FRMPD4: variants seen among roughly 807,000 people sequenced by gnomAD.
The protein encoded by FRMPD4 is FERM and PDZ domain-containing protein 4.
FRMPD4 carries 22 observed loss-of-function variants against 94.1 expected under a neutral mutation model. That is an observed-to-expected ratio of 0.23 (90% CI 0.17 to 0.33). FRMPD4 has a LOEUF of 0.33. Among genes scored for constraint, FRMPD4 ranks in the 10% least tolerant of loss-of-function variants. FRMPD4 has a pLI of 1.00. For missense variants in FRMPD4, 1,111 were observed against 1,339.9 expected (o/e 0.83, Z 2.67); for synonymous variants, 631 against 548.6 (o/e 1.15, Z -2.10).
chrX:11,846,745 A>T (rs2053579154), intron 1 of FRMPD4, among the ~76,000 whole-genome samples: 1 of 109,085 alleles, frequency 9.2e-6, no homozygotes, highest in African/African-American at 3.3e-5. Flanking sequence ...CAACTATCTG[A>T]TCTTTGGCAA....
At chrX:12,202,639 C>A (rs1444390552) in intron 1 of FRMPD4, among the ~76,000 whole-genome samples, 2 of 112,042 alleles carry the variant, frequency 1.8e-5, no homozygotes, top group Non-Finnish European at 3.8e-5. Flanking sequence ...CCCCAAACTC[C>A]ATGTTCACCT....
At chrX:12,381,631 T>C (rs1402208500) in intron 1 of FRMPD4, among the ~76,000 whole-genome samples, 1 of 112,144 alleles carries the variant, frequency 8.9e-6, no homozygotes, top group Non-Finnish European at 1.9e-5. Flanking sequence ...TAGATTCACA[T>C]GCAGTTGGAT....
chrX:12,189,253 C>A (rs1206082399), intron 1 of FRMPD4, among the ~76,000 whole-genome samples: 4 of 111,635 alleles, frequency 3.6e-5, no homozygotes. Context: ...ACGCCTATAT[C>A]TATTATAGAC....
At chrX:12,160,068 GGT>G (rs757966489) in intron 1 of FRMPD4, among the ~76,000 whole-genome samples, 253 of 99,577 alleles carry the variant, frequency 2.5e-3, no homozygotes, top group Admixed American at 5.7e-3. Context: ...GATGTTGAGG[GGT>G]GTGTGTGTGT....
chrX:11,892,007 A>G (rs1373618691), intron 3 of FRMPD4, among the ~76,000 whole-genome samples: 1 of 112,397 alleles, frequency 8.9e-6, no homozygotes, highest in Admixed American at 9.4e-5. Flanking sequence ...TTTGTGCTTT[A>G]TCAGAGGACT....
At chrX:12,001,096 C>A (rs1475878954) in intron 3 of FRMPD4, among the ~76,000 whole-genome samples, 1 of 111,905 alleles carries the variant, frequency 8.9e-6, no homozygotes, top group African/African-American at 3.2e-5. Context: ...GTACTGTTTG[C>A]CTTTCTAAAA....
chrX:12,570,695 C>T (rs2058753508), intron 2 of FRMPD4, among the ~76,000 whole-genome samples: 2 of 111,751 alleles, frequency 1.8e-5, no homozygotes, highest in African/African-American at 6.5e-5. Context: ...GGTTATGTTG[C>T]AAGACCCCTA....
chrX:12,610,000 C>A, intron 3 of FRMPD4, 119 bp downstream of exon 3: 1 of 673,174 alleles, frequency 1.5e-6, no homozygotes, highest in East Asian at 3.4e-5. Flanking sequence ...TTTTCCAAAA[C>A]CTGGATAGAG....
chrX:12,559,419 G>A (rs1233890783), intron 2 of FRMPD4, among the ~76,000 whole-genome samples: 3 of 111,325 alleles, frequency 2.7e-5, no homozygotes, highest in Non-Finnish European at 5.7e-5. Context: ...GGTGGTCAAG[G>A]CGGGCAGATC....
intron 3 of FRMPD4, among the ~76,000 whole-genome samples, chrX:12,038,661 A>G (rs1176733714): frequency 2.7e-5 from 3 of 112,027 alleles, no homozygotes; most frequent in Non-Finnish European, 3.8e-5. Context: ...CAGCTCTGAC[A>G]TTTAGGTCTG....
intron 3 of FRMPD4, among the ~76,000 whole-genome samples, chrX:12,070,871 T>C (rs1364523661): frequency 1.8e-5 from 2 of 112,483 alleles, no homozygotes; most frequent in Non-Finnish European, 3.8e-5. Flanking sequence ...TCAAGCTTCC[T>C]GGACATTTGC....
intron 3 of FRMPD4, among the ~76,000 whole-genome samples, chrX:12,077,694 G>A (rs1460463603): frequency 9.0e-6 from 1 of 110,928 alleles, no homozygotes; most frequent in African/African-American, 3.3e-5. Flanking sequence ...TCTCTTTGAT[G>A]CACTGCTGCC....
At chrX:11,868,846 G>T (rs1177073860) in intron 2 of FRMPD4, among the ~76,000 whole-genome samples, 4 of 112,535 alleles carry the variant, frequency 3.6e-5, no homozygotes, top group African/African-American at 9.7e-5. Context: ...ACACAGAAAT[G>T]CTCACTCATT....
intron 4 of FRMPD4, among the ~76,000 whole-genome samples, chrX:12,625,589 A>G (rs1402243848): frequency 8.9e-6 from 1 of 111,960 alleles, no homozygotes; most frequent in Non-Finnish European, 1.9e-5. Flanking sequence ...AAAAAACTGG[A>G]TATCAGGAAG....
At chrX:12,053,352 A>AAG (rs1569149732) in intron 3 of FRMPD4, among the ~76,000 whole-genome samples, 14 of 90,027 alleles carry the variant, frequency 1.6e-4, no homozygotes, top group African/African-American at 3.7e-4. Flanking sequence ...GAAAGAAAGG[A>AAG]AAGAAAGAAG....
At chrX:12,369,101 G>A (rs1306834998) in intron 1 of FRMPD4, among the ~76,000 whole-genome samples, 5 of 109,983 alleles carry the variant, frequency 4.5e-5, no homozygotes, top group Middle Eastern at 4.7e-3. Context: ...ACAGAACTTC[G>A]TAACATTGTA....
At chrX:12,567,446 A>G (rs1393573770) in intron 2 of FRMPD4, among the ~76,000 whole-genome samples, 2 of 112,590 alleles carry the variant, frequency 1.8e-5, no homozygotes, top group Non-Finnish European at 3.7e-5. Flanking sequence ...TCTATTTCTT[A>G]AACACTTAGG....
At chrX:12,720,083 A>G (rs1405035909) in intron 16 of FRMPD4, among the ~76,000 whole-genome samples, 1 of 103,535 alleles carries the variant, frequency 9.7e-6, no homozygotes, top group Non-Finnish European at 1.9e-5. Flanking sequence ...AGAAAGAAAG[A>G]GAAAGAAAGA....
intron 3 of FRMPD4, among the ~76,000 whole-genome samples, chrX:11,905,967 C>T (rs1357163828): frequency 1.8e-5 from 2 of 110,469 alleles, no homozygotes; most frequent in African/African-American, 6.6e-5. Context: ...CTATTACAGC[C>T]ACAAAATCAA....
Sources: allele counts gnomAD v4.1 joint callset (sites outside exome capture counted in the v4.1 genomes callset), GRCh38; gene constraint gnomAD v4.1.1; transcripts MANE v1.5; gene names NCBI Gene and HGNC (gene_info 2026-07-23, HGNC 2026-07-21).